The following TGFBRAP1 variants were observed in gnomAD, a reference collection of about 807,000 sequenced individuals.
The protein encoded by TGFBRAP1 is transforming growth factor beta receptor associated protein 1, also known as transforming growth factor-beta receptor-associated protein 1.
A neutral mutation model predicts 83.2 loss-of-function variants in TGFBRAP1; 20 were observed. The ratio of observed to expected loss-of-function variants is 0.24; its 90% CI spans 0.17 to 0.35. TGFBRAP1 has a LOEUF of 0.35. TGFBRAP1 is among the 10% of genes least tolerant of loss of function. The pLI, the probability that TGFBRAP1 is intolerant of heterozygous loss-of-function variation, is 1.00. For missense variants in TGFBRAP1, 950 were observed against 1,099.4 expected, an observed-to-expected ratio of 0.86 and a Z score of 1.92; for synonymous variants, 415 against 459.8, an observed-to-expected ratio of 0.90 and a Z score of 1.25.
chr2:105,298,896 G>C (rs1382703053), intron 2 of TGFBRAP1, among the ~76,000 whole-genome samples, 191 bp from the exon 3 acceptor site: 2 of 152,168 alleles, frequency 1.3e-5, no homozygotes, highest in Non-Finnish European at 2.9e-5. Context: ...TTTCTGTGAA[G>C]AGAACTACCT....
At chr2:105,301,643 A>G (rs1170144718) in intron 2 of TGFBRAP1, among the ~76,000 whole-genome samples, 1 of 152,236 alleles carries the variant, frequency 6.6e-6, no homozygotes, top group African/African-American at 2.4e-5. Flanking sequence ...ATTTGTCTTT[A>G]ACCTGGAAGA....
At chr2:105,280,858 G>A in intron 5 of TGFBRAP1, 135 bp from the exon 6 acceptor site, 1 of 967,290 alleles carries the variant, frequency 1.0e-6, no homozygotes, top group Non-Finnish European at 1.5e-6. Context: ...GGGTAATCAT[G>A]TCAGAGCAAC....
chr2:105,311,605 GA>G (rs905021722), intron 1 of TGFBRAP1, among the ~76,000 whole-genome samples: 4 of 150,798 alleles, frequency 2.7e-5, no homozygotes, highest in African/African-American at 7.3e-5. Context: ...AAAGAAAAAA[GA>G]AAAAAAAATT....
intron 6 of TGFBRAP1, 147 bp from the exon 7 acceptor site, chr2:105,277,818 C>T: frequency 1.3e-6 from 1 of 790,408 alleles, no homozygotes; most frequent in Non-Finnish European, 2.2e-6. Flanking sequence ...CTTTGGAAGG[C>T]CAAGGTGGGT....
intron 10 of TGFBRAP1, among the ~76,000 whole-genome samples, chr2:105,271,769 G>A (rs1009766443): frequency 1.3e-5 from 2 of 152,114 alleles, no homozygotes; most frequent in Non-Finnish European, 2.9e-5. Flanking sequence ...TCATCTACTC[G>A]CTGAAATTTA....
At chr2:105,311,774 T>G (rs1678702476) in intron 1 of TGFBRAP1, among the ~76,000 whole-genome samples, 1 of 151,728 alleles carries the variant, frequency 6.6e-6, no homozygotes, top group African/African-American at 2.4e-5. Context: ...CCAGGCATGG[T>G]GGCGGGCACC....
intron 1 of TGFBRAP1, among the ~76,000 whole-genome samples, chr2:105,312,573 A>G (rs183465731): frequency 1.2e-4 from 19 of 152,298 alleles, no homozygotes; most frequent in African/African-American, 4.6e-4. Flanking sequence ...AGGAAATAGG[A>G]CTAGAAAAAT....
At chr2:105,301,133 G>C (rs952435748) in intron 2 of TGFBRAP1, among the ~76,000 whole-genome samples, 2 of 152,148 alleles carry the variant, frequency 1.3e-5, no homozygotes, top group Admixed American at 6.5e-5. Flanking sequence ...GAGGCAGGAA[G>C]ATCACTTGAA....
At chr2:105,261,835 T>C (rs567455357), downstream of TGFBRAP1, among the ~76,000 whole-genome samples, 17 of 152,226 alleles carry the variant, frequency 1.1e-4, no homozygotes, top group African/African-American at 4.1e-4. Flanking sequence ...AAAAGGTATG[T>C]GTAGACCAAC....
At chr2:105,262,484 C>T (rs972666376), downstream of TGFBRAP1, among the ~76,000 whole-genome samples, 4 of 152,198 alleles carry the variant, frequency 2.6e-5, no homozygotes, top group Non-Finnish European at 5.9e-5. Context: ...GCTTCCTGTA[C>T]AGCCTGTAGA....
chr2:105,308,135 A>C lies in TGFBRAP1; in HGVS notation c.167T>G (p.Val56Gly). The change falls in exon 2 of 12, where the codon GTG becomes GGG. Residue 56 changes from valine (V) to glycine (G), a missense_variant. Val to Gly is a moderately radical substitution (Grantham distance 109). Coordinates refer to ENST00000393359, the MANE Select transcript of TGFBRAP1 (RefSeq NM_004257.6). ...VYHFLLEERP[V>G]PAGPATFTAT... is the part of the protein sequence containing the mutation. Reference sequence around the variant, plus strand: ...AGTGAACGTGGCTGGCCCAGCAGGCACTGGCCTCTCCTCCAACAGGAAGTG... The same window carrying C: ...AGTGAACGTGGCTGGCCCAGCAGGCCCTGGCCTCTCCTCCAACAGGAAGTG... 1 of 1,614,166 alleles carries C rather than the reference A, an allele frequency of 6.2e-7. No homozygotes were observed. Among genetic ancestry groups the C allele is most frequent in the Non-Finnish European group, 8.5e-7 (1 of 1,180,024 alleles).
At chr2:105,284,107 T>A (rs1040850497) in intron 5 of TGFBRAP1, among the ~76,000 whole-genome samples, 1 of 152,060 alleles carries the variant, frequency 6.6e-6, no homozygotes, top group Non-Finnish European at 1.5e-5. Context: ...CTCTAAGACA[T>A]AGGCCAGTTA....
At chr2:105,256,719 A>G in the TGFBRAP1 span, among the ~76,000 whole-genome samples, 12 of 152,186 alleles carry the variant, frequency 7.9e-5, no homozygotes, top group African/African-American at 2.9e-4. Flanking sequence ...AGAGCACTCC[A>G]TCTTGAATAA....
At chr2:105,254,020 C>T in the TGFBRAP1 span, among the ~76,000 whole-genome samples, 4 of 151,292 alleles carry the variant, frequency 2.6e-5, no homozygotes, top group South Asian at 4.2e-4. Flanking sequence ...TGGTGATATG[C>T]CTCTGATACT....
chr2:105,298,815 A>G, intron 2 of TGFBRAP1, 110 bp from the exon 3 acceptor site: 1 of 996,212 alleles, frequency 1.0e-6, no homozygotes, highest in Non-Finnish European at 1.4e-6. Context: ...ATTTTCCTGT[A>G]CAGTCTTATA....
chr2:105,292,663 G>GGAGA (rs574830363), intron 4 of TGFBRAP1, among the ~76,000 whole-genome samples: 1 of 151,222 alleles, frequency 6.6e-6, no homozygotes, highest in Non-Finnish European at 1.5e-5. Flanking sequence ...GGAGAAGGAG[G>GGAGA]GAGAGAGAGA....
intron 5 of TGFBRAP1, among the ~76,000 whole-genome samples, chr2:105,283,569 T>G (rs1677614498): frequency 6.6e-6 from 1 of 152,222 alleles, no homozygotes; most frequent in Non-Finnish European, 1.5e-5. Context: ...GAGTACGATA[T>G]TTCAAGACTC....
intron 3 of TGFBRAP1, among the ~76,000 whole-genome samples, chr2:105,297,361 A>G (rs1678122442): frequency 6.6e-6 from 1 of 152,072 alleles, no homozygotes; most frequent in East Asian, 1.9e-4. Flanking sequence ...GGCCTGTTAC[A>G]TCATCCTTCT....
At chr2:105,280,002 T>C (rs1214454983) in intron 6 of TGFBRAP1, among the ~76,000 whole-genome samples, 2 of 150,882 alleles carry the variant, frequency 1.3e-5, no homozygotes, top group Non-Finnish European at 3.0e-5. Flanking sequence ...CACACCACTG[T>C]ACTCCAGCCT....
Sources: allele counts gnomAD v4.1 joint callset (sites outside exome capture counted in the v4.1 genomes callset), GRCh38; gene constraint gnomAD v4.1.1; transcripts MANE v1.5; gene names NCBI Gene and HGNC (gene_info 2026-07-23, HGNC 2026-07-21).